Variants in PAFAH2 observed in about 807,000 individuals in gnomAD.
The protein encoded by PAFAH2 is platelet activating factor acetylhydrolase 2, also known as platelet-activating factor acetylhydrolase 2, cytoplasmic.
In PAFAH2, 42 loss-of-function variants were observed where a neutral mutation model predicts 49.0. That is an observed-to-expected ratio of 0.86 (90% CI 0.67 to 1.11). The LOEUF is 1.11. Among genes scored for constraint, PAFAH2 ranks in the 50% least tolerant of loss-of-function variants. The pLI is 0.00. For synonymous variants in PAFAH2, 184 were observed against 181.3 expected (o/e 1.01, Z -0.12); for missense variants, 503 against 501.8 (o/e 1.00, Z -0.02).
At chr1:25,989,962 C>A (rs1465239409) in intron 2 of PAFAH2, among the ~76,000 whole-genome samples, 1 of 152,020 alleles carries the variant, frequency 6.6e-6, no homozygotes, top group Non-Finnish European at 1.5e-5. Flanking sequence ...AACAGGGTGG[C>A]CTTGGTAGCT....
At chr1:25,989,882 A>G (rs2049848724) in intron 2 of PAFAH2, among the ~76,000 whole-genome samples, 1 of 152,184 alleles carries the variant, frequency 6.6e-6, no homozygotes, top group East Asian at 1.9e-4. Flanking sequence ...TGGGACAATG[A>G]AAGATTTAAA....
Position 25,986,972 on chromosome 1 carries a change from G to A in PAFAH2, c.341+1259C>T, listed in dbSNP as rs559204737. 7.2e-5 allele frequency among the ~76,000 whole-genome samples: 11 copies of A among 151,928 alleles called. No homozygotes were observed. The South Asian group carries it at 1.0e-3, about 14-fold the overall frequency. On this transcript the variant is annotated intron_variant, in intron 4 of 10. Transcript: ENST00000374282. ...TAAAATAGATCTCCCTGACAGGCGCGGTGGCTCATGCCTGTAATCCTAGCA... is the reference window on the plus strand; with the variant it reads ...TAAAATAGATCTCCCTGACAGGCGCAGTGGCTCATGCCTGTAATCCTAGCA...
At chr1:25,996,218 A>G (rs1368729356) in intron 1 of PAFAH2, among the ~76,000 whole-genome samples, 1 of 151,864 alleles carries the variant, frequency 6.6e-6, no homozygotes, top group Non-Finnish European at 1.5e-5. Flanking sequence ...AAAAAAAATT[A>G]GCTGGATGTG....
At chr1:25,991,722 G>A (rs889042951) in intron 1 of PAFAH2, among the ~76,000 whole-genome samples, 5 of 151,618 alleles carry the variant, frequency 3.3e-5, no homozygotes, top group Admixed American at 1.3e-4. Context: ...GCGAAACCCC[G>A]TCTCTACTAA....
intron 1 of PAFAH2, chr1:25,997,367 ATC>A (rs2049950983): frequency 6.6e-6 from 1 of 152,196 alleles, no homozygotes; most frequent in African/African-American, 2.4e-5. Flanking sequence ...GATAAAAATA[ATC>A]TCTGTCTCTT....
chr1:25,978,482 T>C (rs577943973), intron 7 of PAFAH2, among the ~76,000 whole-genome samples: 4 of 152,336 alleles, frequency 2.6e-5, no homozygotes, highest in Non-Finnish European at 5.9e-5. Context: ...GACTTGGCCA[T>C]GGTACAGACA....
intron 1 of PAFAH2, among the ~76,000 whole-genome samples, chr1:25,991,238 A>G (rs948144164): frequency 2.0e-5 from 3 of 152,026 alleles, no homozygotes; most frequent in Admixed American, 1.3e-4. Flanking sequence ...CTTTATAGAC[A>G]CTATACACAT....
At chr1:25,983,101 GTGGT>G (rs2049717941) in intron 6 of PAFAH2, among the ~76,000 whole-genome samples, 1 of 152,274 alleles carries the variant, frequency 6.6e-6, no homozygotes, top group East Asian at 1.9e-4. Flanking sequence ...GTCAAGAGCT[GTGGT>G]TCTGACTGGG....
At position 25,990,670 on chromosome 1, in the gene PAFAH2, A is replaced by C; in HGVS notation, c.90+57T>G. 2.2e-6 allele frequency: 3 copies of C among 1,376,662 alleles called. No homozygotes were observed. The Admixed American group carries it at 5.1e-5, about 23-fold the overall frequency. 85.3% of individuals were successfully genotyped at this position (1,376,662 alleles called of 1,614,324 possible). ...TACAGGATCAGACTTGTGATCAGTA[A>C]GTCACGGTGCCGGCAGAAGCAGTGC... On this transcript the variant is annotated intron_variant, in intron 2 of 10. Transcript: ENST00000374282.
At chr1:25,966,672 A>AT (rs1177185974) in intron 10 of PAFAH2, among the ~76,000 whole-genome samples, 2 of 152,006 alleles carry the variant, frequency 1.3e-5, no homozygotes, top group African/African-American at 4.8e-5. Context: ...ACTGGATACA[A>AT]TGTTCACTAT....
chr1:25,991,676 T>G (rs982239232), intron 1 of PAFAH2, among the ~76,000 whole-genome samples: 6 of 148,300 alleles, frequency 4.0e-5, no homozygotes, highest in African/African-American at 1.5e-4. Flanking sequence ...GCAGATCACC[T>G]GAGGTCAGGA....
rs138553792 is a variant in PAFAH2, at chr1:25,974,484, C to T, written c.925G>A (p.Val309Ile). The part of the protein sequence containing the change: ...AQHEQSRIIT[V>I]LGSVHRSQTD... ...ACGACCTTGTGGTTTACTCACAGAA[C>T]GGTTATGATCCTAGACTGTTCATGC... Residue 309 changes from valine (V) to isoleucine (I), a missense_variant, in exon 9 of 11, where the codon GTT becomes ATT. By Grantham distance (29) the Val-to-Ile change is conservative. Coordinates refer to ENST00000374282, the MANE Select transcript of PAFAH2 (RefSeq NM_000437.4). The T allele has an allele frequency of 1.1e-4, 177 of 1,601,774 alleles. No homozygotes were observed. The African/African-American group carries it at 1.5e-3, about 14-fold the overall frequency.
At chr1:25,971,444 T>C (rs1401987736) in intron 10 of PAFAH2, among the ~76,000 whole-genome samples, 1 of 143,582 alleles carries the variant, frequency 7.0e-6, no homozygotes, top group Non-Finnish European at 1.5e-5. Flanking sequence ...ACACTCTGAG[T>C]GGTTCAAGCC....
At chr1:25,967,302 G>A (rs1181042256) in intron 10 of PAFAH2, among the ~76,000 whole-genome samples, 1 of 152,182 alleles carries the variant, frequency 6.6e-6, no homozygotes, top group Non-Finnish European at 1.5e-5. Flanking sequence ...GATTAACGAA[G>A]AAGGAAAAGA....
At chr1:25,971,520 G>T (rs1397000597) in intron 10 of PAFAH2, among the ~76,000 whole-genome samples, 1 of 151,916 alleles carries the variant, frequency 6.6e-6, no homozygotes, top group African/African-American at 2.4e-5. Flanking sequence ...AAACCACAGA[G>T]CAGAAAAAAA....
chr1:25,993,026 A>G (rs2049896569), intron 1 of PAFAH2, among the ~76,000 whole-genome samples: 1 of 152,190 alleles, frequency 6.6e-6, no homozygotes. Flanking sequence ...GAAGATACCC[A>G]TGGTGGATGG....
intron 10 of PAFAH2, among the ~76,000 whole-genome samples, chr1:25,971,013 C>G (rs1447955320): frequency 6.6e-6 from 1 of 152,156 alleles, no homozygotes. Context: ...GTTTAATAAA[C>G]AGAACACTCA....
At chr1:25,991,903 C>A (rs2049881872) in intron 1 of PAFAH2, among the ~76,000 whole-genome samples, 1 of 151,930 alleles carries the variant, frequency 6.6e-6, no homozygotes, top group African/African-American at 2.4e-5. Context: ...AAAAAACAAA[C>A]AAACAAACAA....
Position 25,990,749 on chromosome 1 carries a change from A to C in PAFAH2, c.68T>G (p.Val23Gly), listed in dbSNP as rs755821405. 22 of 1,613,918 alleles carry C rather than the reference A, an allele frequency of 1.4e-5. No homozygotes were observed. Among genetic ancestry groups the C allele is most frequent in the Non-Finnish European group, 1.8e-5 (21 of 1,179,872 alleles). ...TGPHLVGCGD[V>G]MEGQNLQGSF... ...TACCTGGAGATTCTGACCCTCCATC[A>C]CATCCCCACAGCCTACGAGGTGGGG... The change falls in exon 2 of 11, where the codon GTG becomes GGG. Residue 23 changes from valine to glycine, a missense_variant. Coordinates refer to ENST00000374282, the MANE Select transcript of PAFAH2 (RefSeq NM_000437.4).
Sources: gnomAD v4.1 joint callset for allele counts (sites outside exome capture counted in the v4.1 genomes callset) on GRCh38, gnomAD v4.1.1 for gene constraint, MANE v1.5 for transcripts, NCBI Gene and HGNC (gene_info 2026-07-23, HGNC 2026-07-21) for gene names.